The following INTS3 variants were observed in gnomAD, a reference collection of about 807,000 sequenced individuals.
INTS3 encodes SOSS complex subunit A.
A neutral mutation model predicts 146.3 loss-of-function variants in INTS3; 34 were observed. That is an observed-to-expected ratio of 0.23 (90% CI 0.18 to 0.31). The LOEUF is 0.31. Among genes scored for constraint, INTS3 ranks in the 10% least tolerant of loss-of-function variants. The pLI, the probability that INTS3 is intolerant of heterozygous loss-of-function variation, is 1.00. For synonymous variants in INTS3, 475 were observed against 494.9 expected (o/e 0.96, Z 0.53); for missense variants, 757 against 1,304.2 (o/e 0.58, Z 6.46).
rs868264753 is a variant in INTS3 at position 153,733,447 on chromosome 1, G to A, written c.150+4663G>A. ...AGGCTGCTCTCGAAGTCGTGACCTC[G>A]TGATCTTCCTGCCTCAGCTTCCCAA... On this transcript the variant is annotated intron_variant, in intron 1 of 29. Coordinates refer to ENST00000318967, the MANE Select transcript of INTS3 (RefSeq NM_023015.5). 6.9e-4 allele frequency among the ~76,000 whole-genome samples: 105 copies of A among 151,406 alleles called. 1 individual carries two copies. Among genetic ancestry groups the A allele is most frequent in the African/African-American group, 2.4e-3 (99 of 41,282 alleles).
At chr1:153,732,803 T>C (rs1671127057) in intron 1 of INTS3, among the ~76,000 whole-genome samples, 1 of 137,504 alleles carries the variant, frequency 7.3e-6, no homozygotes, top group Admixed American at 7.4e-5. Context: ...AATGAGGAAT[T>C]TAGTCTTTTT....
At chr1:153,767,365 G>C in intron 20 of INTS3, 1 of 296,266 alleles carries the variant, frequency 3.4e-6, no homozygotes, top group Non-Finnish European at 6.2e-6. Context: ...AAGCAAGAGA[G>C]AAAGCCTTCT....
intron 6 of INTS3, 143 bp from the exon 7 acceptor site, chr1:153,750,952 G>A (rs1428843161): frequency 2.6e-6 from 2 of 767,408 alleles, no homozygotes; most frequent in South Asian, 2.0e-5. Context: ...GCATGAGTGA[G>A]CAAGCAAAAA....
intron 5 of INTS3, chr1:153,747,761 C>T (rs901416890): frequency 1.3e-5 from 3 of 236,286 alleles, no homozygotes; most frequent in African/African-American, 4.5e-5. Context: ...CCCCCATTAT[C>T]TGAACGCTTG....
intron 2 of INTS3, 141 bp from the exon 3 acceptor site, chr1:153,741,144 A>G (rs929781660): frequency 2.0e-5 from 14 of 716,806 alleles, no homozygotes; most frequent in Middle Eastern, 3.3e-4. Context: ...CTCTTTTAAG[A>G]GAAGGAAATC....
intron 13 of INTS3, chr1:153,761,290 C>T: frequency 2.0e-6 from 1 of 488,140 alleles, no homozygotes; most frequent in Non-Finnish European, 3.6e-6. Flanking sequence ...GTGGGCAGAT[C>T]ACCTGAGGTT....
At chr1:153,731,708 C>A (rs1000160439) in intron 1 of INTS3, among the ~76,000 whole-genome samples, 1 of 148,962 alleles carries the variant, frequency 6.7e-6, no homozygotes, top group Non-Finnish European at 1.5e-5. Flanking sequence ...GCCTCAGCCT[C>A]CCGAGTAGCT....
chr1:153,741,976 C>G (rs537659050), intron 3 of INTS3, among the ~76,000 whole-genome samples: 1 of 152,264 alleles, frequency 6.6e-6, no homozygotes, highest in South Asian at 2.1e-4. Flanking sequence ...AGGTGAGGGA[C>G]TAGGCAGGGT....
Position 153,728,068 on chromosome 1 carries a change from C to T in INTS3, c.-567C>T, listed in dbSNP as rs1670911424. The T allele has an allele frequency of 5.6e-6, 1 of 179,082 alleles. No individual in the cohort carries two copies. Among genetic ancestry groups the T allele is most frequent in the Admixed American group, 6.6e-5 (1 of 15,260 alleles). 11.1% of individuals were successfully genotyped at this position (179,082 alleles called of 1,614,324 possible). ...GCCCTCCGCCTTCCCACCCCCCGCC[C>T]TTCCACTATGGCCGCTTCTGTGTGG... On this transcript the variant is annotated 5_prime_UTR_variant, in exon 1 of 30. Coordinates refer to ENST00000318967, the MANE Select transcript of INTS3 (RefSeq NM_023015.5).
Position 153,747,028 on chromosome 1 carries a change from T to C in INTS3, c.390T>C (p.Leu130=). The C allele has an allele frequency of 6.2e-7, 1 of 1,613,686 alleles. No individual in the cohort carries two copies. ...NIVLNKINQI[L]MEKYLKLQDT... The stretch of plus-strand genomic sequence containing the variant: ...TCCTGAATAAAATCAACCAGATACT[T>C]ATGGAGAAGTACCTGAAGCTGCAGG... Residue 130 remains leucine, a synonymous_variant, in exon 4 of 30, where the codon CTT becomes CTC. Coordinates refer to ENST00000318967, the MANE Select transcript of INTS3 (RefSeq NM_023015.5).
At chr1:153,743,551 G>C (rs1671615097) in intron 3 of INTS3, among the ~76,000 whole-genome samples, 1 of 152,186 alleles carries the variant, frequency 6.6e-6, no homozygotes, top group Non-Finnish European at 1.5e-5. Context: ...GAGAAAGCAG[G>C]TCAGTATTGG....
At chr1:153,754,910 T>C (rs1459475712) in intron 9 of INTS3, among the ~76,000 whole-genome samples, 171 bp downstream of exon 9, 2 of 152,322 alleles carry the variant, frequency 1.3e-5, no homozygotes, top group East Asian at 3.9e-4. Flanking sequence ...TGTGCCTACA[T>C]ATTGAGCATG....
At chr1:153,730,303 A>G (rs565409609) in intron 1 of INTS3, among the ~76,000 whole-genome samples, 35 of 152,326 alleles carry the variant, frequency 2.3e-4, no homozygotes, top group African/African-American at 8.4e-4. Flanking sequence ...ATGAATGTGA[A>G]CAATGTATTC....
intron 1 of INTS3, among the ~76,000 whole-genome samples, chr1:153,732,927 C>G (rs1671134808): frequency 6.6e-6 from 1 of 151,828 alleles, no homozygotes; most frequent in East Asian, 1.9e-4. Context: ...CCTCAGCCTC[C>G]TGAGTAGCTA....
chr1:153,738,007 T>A (rs1671367641), intron 1 of INTS3, among the ~76,000 whole-genome samples: 1 of 152,254 alleles, frequency 6.6e-6, no homozygotes. Flanking sequence ...TCTGTATTAC[T>A]TTGAAGCAAA....
chr1:153,741,790 G>A (rs1671544228), intron 3 of INTS3, among the ~76,000 whole-genome samples: 1 of 152,220 alleles, frequency 6.6e-6, no homozygotes, highest in Non-Finnish European at 1.5e-5. Flanking sequence ...GTAGGATTTA[G>A]ATGAGACAGC....
intron 1 of INTS3, among the ~76,000 whole-genome samples, chr1:153,734,789 G>A (rs1671228404): frequency 6.6e-6 from 1 of 152,168 alleles, no homozygotes; most frequent in African/African-American, 2.4e-5. Context: ...AGTTTACAGA[G>A]AGTAGATAGG....
In INTS3 at chr1:153,757,857, C is replaced by T. The variant is rs573308422; in HGVS notation, c.1149+94C>T. On this transcript the variant is annotated intron_variant, in intron 10 of 29. Transcript: ENST00000318967. This position sits in a 1 kb window ranked among gnomAD's most constrained non-coding sequence, Gnocchi z 4.0. ...TCCTGACTCCAGGGCCACTTGACCC[C>T]TAAGGGCCCTTCTTTCACTCTGGTC... 241 of 978,978 alleles carry T rather than the reference C, an allele frequency of 2.5e-4. 4 individuals carry two copies. The South Asian group carries it at 3.4e-3, about 14-fold the overall frequency. The allele number at this position is 978,978 out of a possible 1,614,324, so 60.6% of individuals were successfully genotyped here.
chr1:153,744,038 CGTGTGT>C (rs200825280), intron 3 of INTS3, among the ~76,000 whole-genome samples: 49,797 of 142,094 alleles, frequency 0.35, 8,573 homozygotes, highest in East Asian at 0.47. Context: ...TGTGCATGTG[CGTGTGT>C]GTGTGTGTGT....
Sources: gnomAD v4.1 joint callset for allele counts (sites outside exome capture counted in the v4.1 genomes callset) on GRCh38, gnomAD v4.1.1 for gene constraint, Gnocchi (gnomAD v3.1) non-coding constraint, MANE v1.5 for transcripts, NCBI Gene and HGNC (gene_info 2026-07-23, HGNC 2026-07-21) for gene names.